CDH18: variants seen among roughly 807,000 people sequenced by gnomAD.
CDH18 encodes cadherin 18.
Under a neutral mutation model 67.9 loss-of-function variants are expected in CDH18, and 31 were observed. The ratio of observed to expected loss-of-function variants is 0.46; its 90% CI spans 0.34 to 0.62. CDH18 has a LOEUF of 0.62. Among genes scored for constraint, CDH18 ranks in the 20% least tolerant of loss-of-function variants. The pLI, the probability that CDH18 is intolerant of heterozygous loss-of-function variation, is 0.01. For missense variants in CDH18, 890 were observed against 975.5 expected, an observed-to-expected ratio of 0.91 and a Z score of 1.17; for synonymous variants, 362 against 347.2, an observed-to-expected ratio of 1.04 and a Z score of -0.48.
intron 2 of CDH18, among the ~76,000 whole-genome samples, chr5:19,934,761 T>C (rs1456048719): frequency 6.6e-6 from 1 of 151,416 alleles, no homozygotes; most frequent in Non-Finnish European, 1.5e-5. Flanking sequence ...TTTTTGCAAA[T>C]GTTTAGACAA....
intron 1 of CDH18, among the ~76,000 whole-genome samples, chr5:20,299,814 T>C (rs1258733681): frequency 6.7e-6 from 1 of 149,252 alleles, no homozygotes; most frequent in Non-Finnish European, 1.5e-5. Context: ...TATGGCTCAA[T>C]ATTTCTCATT....
At chr5:19,837,395 C>T (rs1781787850) in intron 3 of CDH18, among the ~76,000 whole-genome samples, 1 of 151,690 alleles carries the variant, frequency 6.6e-6, no homozygotes, top group South Asian at 2.1e-4. Flanking sequence ...TATCCCAGAA[C>T]TTAAAGGTAT....
At chr5:20,466,414 G>C (rs968530387) in intron 1 of CDH18, among the ~76,000 whole-genome samples, 1 of 151,976 alleles carries the variant, frequency 6.6e-6, no homozygotes, top group Non-Finnish European at 1.5e-5. Context: ...CAGCCTTGCC[G>C]TGCTGTTTGA....
intron 2 of CDH18, among the ~76,000 whole-genome samples, chr5:20,069,027 T>A (rs758449383): frequency 6.6e-6 from 1 of 152,160 alleles, no homozygotes; most frequent in East Asian, 1.9e-4. Flanking sequence ...CAGAAGCTTA[T>A]GAGCCAGTGA....
chr5:20,461,930 T>C (rs1751292525), intron 1 of CDH18, among the ~76,000 whole-genome samples: 1 of 152,084 alleles, frequency 6.6e-6, no homozygotes, highest in South Asian at 2.1e-4. Context: ...GAATGTAAAT[T>C]AGGAAAGCCA....
chr5:19,885,714 A>G (rs1788120104), intron 2 of CDH18, among the ~76,000 whole-genome samples: 1 of 152,184 alleles, frequency 6.6e-6, no homozygotes, highest in Non-Finnish European at 1.5e-5. Context: ...GGCATGCACC[A>G]TGACACTCAG....
chr5:20,498,617 T>C (rs561615297), intron 1 of CDH18, among the ~76,000 whole-genome samples: 4 of 152,190 alleles, frequency 2.6e-5, no homozygotes, highest in African/African-American at 7.2e-5. Flanking sequence ...TATATAAATA[T>C]AATGTTAAAA....
intron 1 of CDH18, among the ~76,000 whole-genome samples, chr5:20,413,199 T>G (rs1489193609): frequency 6.6e-6 from 1 of 152,200 alleles, no homozygotes; most frequent in Admixed American, 6.5e-5. Flanking sequence ...ATTTTCTTAA[T>G]CCAGTCTATC....
chr5:19,980,907 C>T (rs574151545), intron 2 of CDH18, among the ~76,000 whole-genome samples, 153 bp downstream of exon 2: 4 of 152,136 alleles, frequency 2.6e-5, no homozygotes, highest in Non-Finnish European at 4.4e-5. Flanking sequence ...TCAATTATTT[C>T]GCTTCTTAGG....
At chr5:20,336,878 T>G (rs1244111426) in intron 1 of CDH18, among the ~76,000 whole-genome samples, 1 of 152,136 alleles carries the variant, frequency 6.6e-6, no homozygotes, top group Non-Finnish European at 1.5e-5. Context: ...TAACATGACA[T>G]TAGCATTGTG....
At chr5:20,408,740 C>A (rs1746514942) in intron 1 of CDH18, among the ~76,000 whole-genome samples, 1 of 151,670 alleles carries the variant, frequency 6.6e-6, no homozygotes, top group Admixed American at 6.6e-5. Context: ...TCTTCCCTAT[C>A]AATAACTACT....
At chr5:19,968,914 A>G (rs1219218711) in intron 2 of CDH18, among the ~76,000 whole-genome samples, 1 of 141,522 alleles carries the variant, frequency 7.1e-6, no homozygotes, top group South Asian at 2.2e-4. Context: ...GCAAACTACA[A>G]AATGGGAGAA....
intron 1 of CDH18, among the ~76,000 whole-genome samples, chr5:20,549,494 C>A (rs1055646873): frequency 1.3e-5 from 2 of 151,994 alleles, no homozygotes; most frequent in Admixed American, 6.6e-5. Flanking sequence ...AGATTTACTA[C>A]AGTAGGTTAT....
intron 3 of CDH18, among the ~76,000 whole-genome samples, chr5:19,759,087 C>T (rs943265791): frequency 2.0e-5 from 3 of 152,202 alleles, no homozygotes; most frequent in Non-Finnish European, 2.9e-5. Flanking sequence ...AAGGCATTTG[C>T]CAAGTCAATG....
At chr5:20,125,004 G>A (rs62352588) in intron 2 of CDH18, among the ~76,000 whole-genome samples, 1 of 152,114 alleles carries the variant, frequency 6.6e-6, no homozygotes, top group Non-Finnish European at 1.5e-5. Flanking sequence ...GTAAAATCTG[G>A]TGTCAGAGAC....
chr5:20,053,265 A>C (rs1741597794), intron 2 of CDH18, among the ~76,000 whole-genome samples: 2 of 151,204 alleles, frequency 1.3e-5, no homozygotes, highest in African/African-American at 4.9e-5. Context: ...CCATATATAC[A>C]TATAGTATAG....
At chr5:19,518,204 A>G (rs1262964649) in intron 10 of CDH18, among the ~76,000 whole-genome samples, 1 of 152,140 alleles carries the variant, frequency 6.6e-6, no homozygotes, top group Non-Finnish European at 1.5e-5. Flanking sequence ...AATAAATTAT[A>G]TAAACTGCAC....
At chr5:20,495,465 A>G (rs969196542) in intron 1 of CDH18, among the ~76,000 whole-genome samples, 1 of 152,158 alleles carries the variant, frequency 6.6e-6, no homozygotes, top group Non-Finnish European at 1.5e-5. Flanking sequence ...TGATAATGCT[A>G]TAGTAATGAC....
intron 2 of CDH18, among the ~76,000 whole-genome samples, chr5:20,172,210 A>ACATG (rs1478085064): frequency 3.0e-5 from 2 of 67,470 alleles, no homozygotes; most frequent in African/African-American, 1.4e-4. Flanking sequence ...ATATATATAT[A>ACATG]TATATATATA....
Sources: allele counts gnomAD v4.1 joint callset (sites outside exome capture counted in the v4.1 genomes callset), GRCh38; gene constraint gnomAD v4.1.1; transcripts MANE v1.5; gene names NCBI Gene and HGNC (gene_info 2026-07-23, HGNC 2026-07-21).